CDK14: variants seen among roughly 807,000 people sequenced by gnomAD.
CDK14 encodes cyclin-dependent kinase 14.
CDK14 carries 34 observed loss-of-function variants against 60.7 expected under a neutral mutation model. The observed-to-expected ratio is 0.56, with a 90% CI of 0.43 to 0.75. The LOEUF is 0.75. Among genes scored for constraint, CDK14 ranks in the 30% least tolerant of loss-of-function variants. The pLI, the probability that CDK14 is intolerant of heterozygous loss-of-function variation, is 0.00. For missense variants in CDK14, 482 were observed against 564.1 expected, an observed-to-expected ratio of 0.85 and a Z score of 1.47; for synonymous variants, 197 against 203.7, an observed-to-expected ratio of 0.97 and a Z score of 0.28.
chr7:91,037,463 T>TA (rs201281339), intron 10 of CDK14, among the ~76,000 whole-genome samples: 1,945 of 152,066 alleles, frequency 0.013, 11 homozygotes, highest in Non-Finnish European at 0.021. Context: ...AGAGAGAGCA[T>TA]GAAAAAAACC....
Position 91,045,923 on chromosome 7 carries a change from A to G in CDK14, c.1068A>G (p.Thr356=), listed in dbSNP as rs1797218535. The part of the protein sequence containing the change: ...FLVLGTPNED[T]WPGVHSLPHF... The stretch of plus-strand genomic sequence containing the variant: ...TTCTTGGAACACCAAATGAGGACAC[A>G]TGGCCTGGAGTTCATTCTTTACCAC... Residue 356 remains threonine, a synonymous_variant, in exon 11 of 15, where the codon ACA becomes ACG. Transcript: ENST00000380050. The G allele has an allele frequency of 6.2e-7, 1 of 1,611,572 alleles. No individual in the cohort carries two copies. Among genetic ancestry groups the G allele is most frequent in the Non-Finnish European group, 8.5e-7 (1 of 1,177,770 alleles).
chr7:91,047,440 T>C (rs1797271597), intron 11 of CDK14, among the ~76,000 whole-genome samples: 1 of 152,214 alleles, frequency 6.6e-6, no homozygotes, highest in Non-Finnish European at 1.5e-5. Context: ...TACGAGGATG[T>C]GGTACCCATT....
At chr7:90,689,963 G>A (rs1350432645) in intron 2 of CDK14, among the ~76,000 whole-genome samples, 1 of 145,298 alleles carries the variant, frequency 6.9e-6, no homozygotes, top group Non-Finnish European at 1.5e-5. Flanking sequence ...AGAATTTCAG[G>A]CTTCATGATC....
chr7:90,834,329 G>C (rs568087617), intron 5 of CDK14, among the ~76,000 whole-genome samples: 5 of 152,114 alleles, frequency 3.3e-5, no homozygotes, highest in Non-Finnish European at 7.4e-5. Context: ...CATTTGTTTT[G>C]TTAAAACAAT....
At position 90,699,297 on chromosome 7, in the gene CDK14, G is replaced by A. The variant is rs148787317; in HGVS notation, c.124-27270G>A. 8.6e-3 allele frequency among the ~76,000 whole-genome samples: 1,315 copies of A among 152,306 alleles called. 10 individuals carry two copies. The highest frequency in any genetic ancestry group is 0.012 in the Non-Finnish European group (849 of 68,004). ...CAGAAGTACAGGACCCAGGATGGGA[G>A]TCTGTGGTTCCTAACAGCTTAGTGC... On this transcript the variant is annotated intron_variant, in intron 2 of 14. Transcript: ENST00000380050.
intron 11 of CDK14, among the ~76,000 whole-genome samples, chr7:91,072,221 C>T (rs1388909254): frequency 6.6e-6 from 1 of 152,114 alleles, no homozygotes; most frequent in East Asian, 1.9e-4. Flanking sequence ...TGGGCGAGAC[C>T]CTCTTAACGG....
At position 90,806,159 on chromosome 7, in the gene CDK14, G is replaced by A. The variant is rs527755692; in HGVS notation, c.544+15507G>A. The stretch of plus-strand genomic sequence containing the variant: ...CTCAAAATTGATCAAAGACCTCAGT[G>A]TAGGAGATAAAAGTTAAAACTTCTG... On this transcript the variant is annotated intron_variant, in intron 5 of 14. Coordinates refer to ENST00000380050, the MANE Select transcript of CDK14 (RefSeq NM_001287135.2). 3.9e-5 allele frequency among the ~76,000 whole-genome samples: 6 copies of A among 152,258 alleles called. No individual in the cohort carries two copies. The South Asian group carries it at 1.0e-3, about 26-fold the overall frequency.
chr7:90,827,640 A>G (rs1191782850), intron 5 of CDK14, among the ~76,000 whole-genome samples: 4 of 152,190 alleles, frequency 2.6e-5, no homozygotes, highest in Non-Finnish European at 5.9e-5. Context: ...TAAATGGACC[A>G]TGGGGAGAAA....
At chr7:90,909,927 T>C (rs1316976166) in intron 7 of CDK14, among the ~76,000 whole-genome samples, 2 of 152,136 alleles carry the variant, frequency 1.3e-5, no homozygotes, top group Admixed American at 1.3e-4. Flanking sequence ...GAAAGAAGAA[T>C]GGAAGAACTC....
chr7:90,948,674 T>C (rs934677616), intron 8 of CDK14, among the ~76,000 whole-genome samples: 18 of 152,358 alleles, frequency 1.2e-4, no homozygotes, highest in African/African-American at 4.1e-4. Flanking sequence ...TGAATGGATG[T>C]AGCTGTTTTC....
intron 10 of CDK14, among the ~76,000 whole-genome samples, chr7:91,023,143 A>G (rs1796479488): frequency 6.6e-6 from 1 of 152,116 alleles, no homozygotes; most frequent in African/African-American, 2.4e-5. Flanking sequence ...CACCATGATG[A>G]TGTATTTTTC....
At chr7:90,777,684 C>T (rs1400695324) in intron 4 of CDK14, among the ~76,000 whole-genome samples, 3 of 152,178 alleles carry the variant, frequency 2.0e-5, no homozygotes, top group African/African-American at 7.2e-5. Context: ...TTGCCTAGTG[C>T]ACATAGGGGC....
intron 12 of CDK14, among the ~76,000 whole-genome samples, chr7:91,099,421 A>G (rs1443559697): frequency 6.6e-6 from 1 of 152,172 alleles, no homozygotes; most frequent in Non-Finnish European, 1.5e-5. Context: ...TTTCAGTTGA[A>G]ACAGTGCTTT....
In CDK14 at chr7:90,783,060, A is replaced by C. The variant is rs149481331; in HGVS notation, c.465-7513A>C. Among the ~76,000 whole-genome samples the C allele has an allele frequency of 8.9e-3, 1,358 of 152,184 alleles. 13 individuals carry two copies. The highest frequency in any genetic ancestry group is 0.015 in the Admixed American group (229 of 15,286). On this transcript the variant is annotated intron_variant, in intron 4 of 14. Transcript: ENST00000380050. The stretch of plus-strand genomic sequence containing the variant: ...GAAAGGTGCAAATTTGGGTGGTTTA[A>C]AATTGCTGAAATGTACATAATTTTT...
intron 1 of CDK14, among the ~76,000 whole-genome samples, chr7:90,601,358 C>A (rs1799309480): frequency 6.6e-6 from 1 of 152,196 alleles, no homozygotes. Flanking sequence ...GCAAAGACAT[C>A]TTAAGTTGGT....
chr7:90,641,861 C>T lies in CDK14; in HGVS notation c.123+37612C>T, dbSNP rs140499650. Among the ~76,000 whole-genome samples, 1,384 of 152,316 alleles carry T rather than the reference C, an allele frequency of 9.1e-3. 13 individuals are homozygous for T. Among genetic ancestry groups the T allele is most frequent in the African/African-American group, 0.031 (1,275 of 41,570 alleles). On this transcript the variant is annotated intron_variant, in intron 2 of 14. Coordinates refer to ENST00000380050, the MANE Select transcript of CDK14 (RefSeq NM_001287135.2). ...AAGGTTTAATGGACTTACAGTTCCA[C>T]GTGGCTGGGGAGGCCTCACAATCAT...
At chr7:90,989,001 A>AGAGT (rs1554399200) in intron 10 of CDK14, among the ~76,000 whole-genome samples, 1 of 149,750 alleles carries the variant, frequency 6.7e-6, no homozygotes, top group African/African-American at 2.5e-5. Flanking sequence ...TTTGTGTGTG[A>AGAGT]GTGTGTGTGT....
intron 11 of CDK14, among the ~76,000 whole-genome samples, chr7:91,062,340 G>C (rs1797828393): frequency 6.6e-6 from 1 of 152,160 alleles, no homozygotes; most frequent in Non-Finnish European, 1.5e-5. Context: ...CTGACCCCTT[G>C]CACTTCCCGG....
intron 11 of CDK14, among the ~76,000 whole-genome samples, chr7:91,070,198 C>T (rs1242015773): frequency 3.3e-5 from 5 of 152,148 alleles, no homozygotes; most frequent in African/African-American, 9.7e-5. Context: ...TCCTTGTTTG[C>T]TTTGCTAGAA....
Sources: allele counts gnomAD v4.1 joint callset (sites outside exome capture counted in the v4.1 genomes callset), GRCh38; gene constraint gnomAD v4.1.1; transcripts MANE v1.5; gene names NCBI Gene and HGNC (gene_info 2026-07-23, HGNC 2026-07-21).